The following TNFAIP1 variants were observed in gnomAD, a reference collection of about 807,000 sequenced individuals.
The protein encoded by TNFAIP1 is TNF alpha induced protein 1.
A neutral mutation model predicts 32.6 loss-of-function variants in TNFAIP1; 20 were observed. That is an observed-to-expected ratio of 0.61 (90% CI 0.43 to 0.89). The LOEUF (loss-of-function observed/expected upper bound fraction) is 0.89. TNFAIP1 is among the 40% of genes least tolerant of loss of function. TNFAIP1 has a pLI of 0.00. For missense variants in TNFAIP1, 319 were observed against 425.1 expected (o/e 0.75, Z 2.20); for synonymous variants, 166 against 166.8 (o/e 1.00, Z 0.04).
chr17:28,337,003 C>G (rs1217830506), intron 1 of TNFAIP1, among the ~76,000 whole-genome samples: 4 of 152,250 alleles, frequency 2.6e-5, no homozygotes, highest in African/African-American at 9.6e-5. Context: ...GTTGCACTTA[C>G]AAGGCATGAG....
Position 28,340,058 on chromosome 17 carries a change from G to A in TNFAIP1, c.206-251G>A, listed in dbSNP as rs977676137. ...CCTGGTACCCTGAGCCTAGGCCCCT[G>A]TGGCTTCTACAGCCTGGAGGGCTGT... On this transcript the variant is annotated intron_variant, in intron 2 of 6. Transcript: ENST00000226225. This position sits in a 1 kb window ranked among gnomAD's most constrained non-coding sequence, Gnocchi z 4.1. 7.2e-5 allele frequency among the ~76,000 whole-genome samples: 11 copies of A among 152,184 alleles called. No individual in the cohort carries two copies. Among genetic ancestry groups the A allele is most frequent in the African/African-American group, 2.7e-4 (11 of 41,444 alleles).
Position 28,341,513 on chromosome 17 carries a change from C to T in TNFAIP1, c.518+57C>T, listed in dbSNP as rs530156551. Reference sequence around the variant, plus strand: ...GGGCAGCAGACCCAAGGAGTACTGCCTGTACTCCCAGCACGGTCGGCGTGG... The same window carrying T: ...GGGCAGCAGACCCAAGGAGTACTGCTTGTACTCCCAGCACGGTCGGCGTGG... On this transcript the variant is annotated intron_variant, in intron 5 of 6. Transcript: ENST00000226225. 6.3e-6 allele frequency: 10 copies of T among 1,596,378 alleles called. No individual in the cohort carries two copies. In the South Asian group the frequency reaches 1.1e-4, roughly 18 times the overall value.
At chr17:28,337,875 T>C (rs1555577623) in intron 1 of TNFAIP1, among the ~76,000 whole-genome samples, 1 of 152,224 alleles carries the variant, frequency 6.6e-6, no homozygotes, top group East Asian at 1.9e-4. Flanking sequence ...GCTTATTTAT[T>C]TAAGTCCTTG....
At position 28,342,456 on chromosome 17, in the gene TNFAIP1, C is replaced by A; in HGVS notation, c.714+14C>A. ...AAGCAGACCAAGGTGTGGGGGATTG[C>A]CCCTGCCTGGGTAGGGGAGGACACA... On this transcript the variant is annotated intron_variant, in intron 6 of 6. Transcript: ENST00000226225. This position sits in a 1 kb window ranked among gnomAD's most constrained non-coding sequence, Gnocchi z 4.0. 1 of 1,569,760 alleles carries A rather than the reference C, an allele frequency of 6.4e-7. No individual in the cohort carries two copies. Among genetic ancestry groups the A allele is most frequent in the African/African-American group, 1.3e-5 (1 of 74,410 alleles).
chr17:28,335,983 CCCA>C (rs1555577365), intron 1 of TNFAIP1, 127 bp downstream of exon 1: 1 of 152,010 alleles, frequency 6.6e-6, no homozygotes, highest in Non-Finnish European at 1.5e-5. Context: ...GCTCCGATCT[CCCA>C]CGGAGGGTGG....
chr17:28,338,767 G>T (rs1907256439), intron 1 of TNFAIP1, among the ~76,000 whole-genome samples: 2 of 152,122 alleles, frequency 1.3e-5, no homozygotes, highest in Admixed American at 1.3e-4. Context: ...ACTGGAATCT[G>T]ACTGGTAGAT....
In TNFAIP1 at chr17:28,346,069, C is replaced by T. The variant is rs1334908761; in HGVS notation, c.*1469C>T. 6.6e-6 allele frequency: 1 copy of T among 152,252 alleles called. No homozygotes were observed. Among genetic ancestry groups the T allele is most frequent in the Non-Finnish European group, 1.5e-5 (1 of 68,050 alleles). 9.4% of individuals were successfully genotyped at this position (152,252 alleles called of 1,614,324 possible). A position where few individuals can be genotyped will look rare whatever the true frequency, so the allele number is the denominator to read the frequency against. On this transcript the variant is annotated 3_prime_UTR_variant, in exon 7 of 7. Coordinates refer to ENST00000226225, the MANE Select transcript of TNFAIP1 (RefSeq NM_021137.5). Reference sequence around the variant, plus strand: ...ATCAAGTTCATCTCTCTTGACTACTCTTATGATAGCTGATGCCACAGAGCC... The same window carrying T: ...ATCAAGTTCATCTCTCTTGACTACTTTTATGATAGCTGATGCCACAGAGCC...
rs530484581 is a variant in TNFAIP1 at position 28,344,803 on chromosome 17, G to A, written c.*203G>A. On this transcript the variant is annotated 3_prime_UTR_variant, in exon 7 of 7. Coordinates refer to ENST00000226225, the MANE Select transcript of TNFAIP1 (RefSeq NM_021137.5). Reference sequence around the variant, plus strand: ...GCCCCTGAGCACTTCTGGAGACTGCGTCCTGTCCTATCTGCTCACCATCAC... The same window carrying A: ...GCCCCTGAGCACTTCTGGAGACTGCATCCTGTCCTATCTGCTCACCATCAC... 25 of 600,878 alleles carry A rather than the reference G, an allele frequency of 4.2e-5. No homozygotes were observed. The highest frequency in any genetic ancestry group is 2.0e-4 in the East Asian group (7 of 35,824). The allele number at this position is 600,878 out of a possible 1,614,324, so 37.2% of individuals were successfully genotyped here.
chr17:28,343,038 C>A (rs1174255767), intron 6 of TNFAIP1, among the ~76,000 whole-genome samples: 2 of 152,022 alleles, frequency 1.3e-5, no homozygotes, highest in Non-Finnish European at 2.9e-5. Flanking sequence ...AGCCAGGCAT[C>A]GTGGCACATG....
rs782728946 is a variant in TNFAIP1 at position 28,344,594 on chromosome 17, C to T, written c.945C>T (p.Arg315=). The T allele has an allele frequency of 5.0e-6, 8 of 1,612,320 alleles. No individual in the cohort carries two copies. Among genetic ancestry groups the T allele is most frequent in the East Asian group, 2.2e-5 (1 of 44,886 alleles). Residue 315 remains arginine, a synonymous_variant, in exon 7 of 7, where the codon CGC becomes CGT. Transcript: ENST00000226225. ...AGCTCGGCCACCAGTCTACCCATCGCGACTGACCAGACCCTCAGGGAGTCA... is the reference window on the plus strand; with the variant it reads ...AGCTCGGCCACCAGTCTACCCATCGTGACTGACCAGACCCTCAGGGAGTCA... ...DRQLGHQSTH[R]D
chr17:28,337,243 G>A (rs1388247174), intron 1 of TNFAIP1, among the ~76,000 whole-genome samples: 1 of 152,062 alleles, frequency 6.6e-6, no homozygotes, highest in East Asian at 1.9e-4. Flanking sequence ...TCACTCCCCT[G>A]CTTGCAACCC....
chr17:28,340,284 C>T lies in TNFAIP1; in HGVS notation c.206-25C>T, dbSNP rs993118161. ...CGGAGGTACCTGGCGGCAAACTAAC[C>T]CTGTAGGGCCTTCTGCACCCCTAGG... On this transcript the variant is annotated intron_variant, in intron 2 of 6. Coordinates refer to ENST00000226225, the MANE Select transcript of TNFAIP1 (RefSeq NM_021137.5). The surrounding 1 kb of genome is among the most constrained non-coding windows in gnomAD (Gnocchi z 4.1). The T allele has an allele frequency of 1.9e-6, 3 of 1,608,900 alleles. No individual in the cohort carries two copies. The highest frequency in any genetic ancestry group is 3.4e-5 in the Admixed American group (2 of 59,688).
At position 28,338,396 on chromosome 17, in the gene TNFAIP1, A is replaced by G. The variant is rs546450330; in HGVS notation, c.-114-1012A>G. Among the ~76,000 whole-genome samples the G allele has an allele frequency of 8.5e-4, 130 of 152,310 alleles. 2 individuals carry two copies. The highest frequency in any genetic ancestry group is 3.0e-3 in the African/African-American group (125 of 41,572). ...AAAAAGAAAGGAAAACAGCCATCCT[A>G]TAGCTGTTCTTCCCTGAAAAATGGT... On this transcript the variant is annotated intron_variant, in intron 1 of 6. Coordinates refer to ENST00000226225, the MANE Select transcript of TNFAIP1 (RefSeq NM_021137.5).
rs782352267 is a variant in TNFAIP1 at position 28,344,428 on chromosome 17, G to T, written c.779G>T (p.Arg260Leu). ...TLNVLLYETPRVPDNSLLEAT... is the reference protein window; with the variant it reads ...TLNVLLYETPLVPDNSLLEAT... ...AACGTCCTACTCTATGAGACTCCCC[G>T]CGTCCCCGACAACTCCTTGTTGGAG... Residue 260 changes from arginine (R) to leucine (L), a missense_variant, in exon 7 of 7, where the codon CGC (arginine) becomes CTC (leucine). Arg to Leu is a moderately radical substitution (Grantham distance 102). Coordinates refer to ENST00000226225, the MANE Select transcript of TNFAIP1 (RefSeq NM_021137.5). The T allele has an allele frequency of 6.2e-6, 10 of 1,613,756 alleles. No individual in the cohort carries two copies. The highest frequency in any genetic ancestry group is 2.7e-5 in the African/African-American group (2 of 74,874).
rs917169716 is a variant in TNFAIP1, at chr17:28,342,152, G to T, written c.519-95G>T. 2.5e-5 allele frequency: 28 copies of T among 1,134,020 alleles called. No homozygotes were observed. The Admixed American group carries it at 4.0e-4, about 16-fold the overall frequency. 70.2% of individuals were successfully genotyped at this position (1,134,020 alleles called of 1,614,324 possible). On this transcript the variant is annotated intron_variant, in intron 5 of 6. Coordinates refer to ENST00000226225, the MANE Select transcript of TNFAIP1 (RefSeq NM_021137.5). This position sits in a 1 kb window ranked among gnomAD's most constrained non-coding sequence, Gnocchi z 4.0. ...TGCTTTCATTTCGGCAGGACAGGAT[G>T]GGGGAAGGGAGGGAGGGGAGGGCCC...
intron 2 of TNFAIP1, 21 bp downstream of exon 2, chr17:28,339,747 C>T (rs1555577887): frequency 6.2e-7 from 1 of 1,609,854 alleles, no homozygotes; most frequent in East Asian, 2.2e-5. Context: ...GGGGCTGCCG[C>T]TCGGGGTGGG....
chr17:28,342,218 C>CA lies in TNFAIP1; in HGVS notation c.519-28dup. On this transcript the variant is annotated intron_variant, in intron 5 of 6. Transcript: ENST00000226225. This position sits in a 1 kb window ranked among gnomAD's most constrained non-coding sequence, Gnocchi z 4.0. ...CTCCCTTGGACTGGAACCTCACTCC[C>CA]AGCCGCTTGGCCCTCATGTTTTTTT... is the stretch of plus-strand genomic sequence containing the variant. The CA allele has an allele frequency of 8.0e-7, 1 of 1,255,824 alleles. No individual in the cohort carries two copies. Among genetic ancestry groups the CA allele is most frequent in the African/African-American group, 3.4e-5 (1 of 29,830 alleles). The allele number at this position is 1,255,824 out of a possible 1,614,324, so 77.8% of individuals were successfully genotyped here. A position where few individuals can be genotyped will look rare whatever the true frequency, so the allele number is the denominator to read the frequency against.
chr17:28,338,778 C>T (rs1216323185), intron 1 of TNFAIP1, among the ~76,000 whole-genome samples: 2 of 151,946 alleles, frequency 1.3e-5, no homozygotes, highest in Non-Finnish European at 2.9e-5. Context: ...ACTGGTAGAT[C>T]TCTAGGGTGA....
chr17:28,343,852 T>C (rs1343199340), intron 6 of TNFAIP1, among the ~76,000 whole-genome samples: 3 of 152,100 alleles, frequency 2.0e-5, no homozygotes, highest in Non-Finnish European at 1.5e-5. Flanking sequence ...GGTGACACAC[T>C]GCGTCAGGCA....
Sources: allele counts gnomAD v4.1 joint callset (sites outside exome capture counted in the v4.1 genomes callset), GRCh38; gene constraint gnomAD v4.1.1; non-coding constraint Gnocchi (gnomAD v3.1); transcripts MANE v1.5; gene names NCBI Gene and HGNC (gene_info 2026-07-23, HGNC 2026-07-21).